ZNF142: variants seen among roughly 807,000 people sequenced by gnomAD.
The protein encoded by ZNF142 is zinc finger protein 142.
ZNF142 carries 96 observed loss-of-function variants against 132.1 expected under a neutral mutation model. The ratio of observed to expected loss-of-function variants is 0.73; its 90% CI spans 0.62 to 0.86. The LOEUF (loss-of-function observed/expected upper bound fraction) is 0.86, where lower values mean the gene tolerates loss of function less well. Ranked by LOEUF, ZNF142 falls within the 40% of genes least tolerant of loss-of-function variation. ZNF142 has a pLI of 0.00. For synonymous variants in ZNF142, 842 were observed against 890.1 expected (o/e 0.95, Z 0.96); for missense variants, 2,163 against 2,336.2 (o/e 0.93, Z 1.53).
chr2:218,645,585 A>C (rs1697661202), intron 8 of ZNF142, among the ~76,000 whole-genome samples: 1 of 152,024 alleles, frequency 6.6e-6, no homozygotes, highest in Non-Finnish European at 1.5e-5. Context: ...CCAGGGCCAA[A>C]CTCTGAGAAC....
Position 218,636,734 on chromosome 2 carries a change from G to A in ZNF142, c.*1605C>T, listed in dbSNP as rs1696781556. ...CCTCATTCTTCCTAACAAGCAATCT[G>A]GGACCTGATTTTCCACCTTTTTTCT... On this transcript the variant is annotated 3_prime_UTR_variant, in exon 11 of 11. Transcript: ENST00000411696. The A allele has an allele frequency of 1.3e-6, 1 of 790,218 alleles. No homozygotes were observed. The highest frequency in any genetic ancestry group is 1.7e-5 in the African/African-American group (1 of 57,772). The allele number at this position is 790,218 out of a possible 1,614,324, so 49.0% of individuals were successfully genotyped here.
At chr2:218,654,946 A>G (rs1051073765) in intron 4 of ZNF142, among the ~76,000 whole-genome samples, 1 of 151,920 alleles carries the variant, frequency 6.6e-6, no homozygotes, top group Non-Finnish European at 1.5e-5. Context: ...AAACTAGCTG[A>G]GTGTGGGTGG....
chr2:218,642,245 A>G lies in ZNF142; in HGVS notation c.4871T>C (p.Leu1624Pro), dbSNP rs1324858861. 1 of 1,614,176 alleles carries G rather than the reference A, an allele frequency of 6.2e-7. No homozygotes were observed. Among genetic ancestry groups the G allele is most frequent in the South Asian group, 1.1e-5 (1 of 91,086 alleles). ...TGTGAAGTCACAAAAGGGGCAGTGTAGCGGGGGCTGGCCAGCATCCCCATC... is the reference window on the plus strand; with the variant it reads ...TGTGAAGTCACAAAAGGGGCAGTGTGGCGGGGGCTGGCCAGCATCCCCATC... ...DGDGDAGQPP[L>P]HCPFCDFTCR... Residue 1624 changes from leucine to proline, a missense_variant, in exon 9 of 11, where the codon CTA (leucine) becomes CCA (proline). Leu to Pro is a moderately conservative substitution (Grantham distance 98, BLOSUM62 -3). Coordinates refer to ENST00000411696, the MANE Select transcript of ZNF142 (RefSeq NM_001379659.1). This position sits in a 1 kb window ranked among gnomAD's most constrained non-coding sequence, Gnocchi z 4.6.
intron 7 of ZNF142, among the ~76,000 whole-genome samples, chr2:218,647,516 G>A (rs898469047): frequency 2.0e-5 from 3 of 151,104 alleles, no homozygotes; most frequent in Non-Finnish European, 4.4e-5. Flanking sequence ...GGGAAACAGA[G>A]GCACAGAGAA....
Position 218,638,762 on chromosome 2 carries a change from C to T in ZNF142, c.5241G>A (p.Arg1747=). 2 of 1,609,662 alleles carry T rather than the reference C, an allele frequency of 1.2e-6. No individual in the cohort carries two copies. The highest frequency in any genetic ancestry group is 2.2e-5 in the South Asian group (2 of 91,030). Residue 1747 remains arginine, a synonymous_variant, in exon 11 of 11, where the codon CGG becomes CGA. Coordinates refer to ENST00000411696, the MANE Select transcript of ZNF142 (RefSeq NM_001379659.1). ...CCTGGTGCACACGCAGTGCATCAGC[C>T]CGGTTGGTGCAGTACTCACACTCGG... ...QCPECEYCTN[R]ADALRVHQET...
Position 218,648,830 on chromosome 2 carries a change from T to C in ZNF142, c.1678A>G (p.Lys560Glu), listed in dbSNP as rs1372792803. 1 of 1,614,224 alleles carries C rather than the reference T, an allele frequency of 6.2e-7. No homozygotes were observed. The highest frequency in any genetic ancestry group is 8.5e-7 in the Non-Finnish European group (1 of 1,180,024). ...CCAGGGTGGCCCTGCTTCTTGTGTT[T>C]ACGGAATAGGTGCTTATTGGAACAA... ...FACSNKHLFR[K>E]HKKQGHPGSE... The change falls in exon 7 of 11, where the codon AAA becomes GAA. Residue 560 changes from lysine to glutamate, a missense_variant. Transcript: ENST00000411696.
intron 6 of ZNF142, among the ~76,000 whole-genome samples, 180 bp downstream of exon 6, chr2:218,650,179 G>A (rs1937846512): frequency 6.6e-6 from 1 of 152,196 alleles, no homozygotes; most frequent in Non-Finnish European, 1.5e-5. Flanking sequence ...TATTACTAAA[G>A]TCTTTACCAT....
chr2:218,642,975 T>G lies in ZNF142; in HGVS notation c.4141A>C (p.Lys1381Gln). 1 of 1,613,322 alleles carries G rather than the reference T, an allele frequency of 6.2e-7. No homozygotes were observed. The highest frequency in any genetic ancestry group is 8.5e-7 in the Non-Finnish European group (1 of 1,179,736). The change falls in exon 9 of 11, where the codon AAA (lysine) becomes CAA (glutamine). Residue 1381 changes from lysine to glutamine, a missense_variant. By Grantham distance (53) the Lys-to-Gln change is moderately conservative (BLOSUM62 1). Around this residue, in one of 7 missense-constraint regions of ZNF142, gnomAD observed 809 missense variants for 801.7 expected, o/e 1.01. Coordinates refer to ENST00000411696, the MANE Select transcript of ZNF142 (RefSeq NM_001379659.1). The surrounding 1 kb of genome is among the most constrained non-coding windows in gnomAD (Gnocchi z 4.6). Reference protein sequence around the residue: ...LQCGDCGFTCKQSRCMQQHRR... With the variant: ...LQCGDCGFTCQQSRCMQQHRR... The stretch of plus-strand genomic sequence containing the variant: ...TGCTGCTGCATGCAACGGCTCTGTT[T>G]ACAGGTGAAGCCACAGTCCCCACAC...
chr2:218,643,046 C>T lies in ZNF142; in HGVS notation c.4070G>A (p.Arg1357Lys). 6.3e-7 allele frequency: 1 copy of T among 1,598,150 alleles called. No homozygotes were observed. The highest frequency in any genetic ancestry group is 8.5e-7 in the Non-Finnish European group (1 of 1,171,696). Residue 1357 changes from arginine to lysine, a missense_variant, in exon 9 of 11, where the codon AGG becomes AAG. Arg to Lys is a conservative substitution (Grantham distance 26). Around this residue, in one of 7 missense-constraint regions of ZNF142, gnomAD observed 809 missense variants for 801.7 expected, o/e 1.01. Coordinates refer to ENST00000411696, the MANE Select transcript of ZNF142 (RefSeq NM_001379659.1). Reference protein sequence around the residue: ...ATALRLHQKRRHPTAAPARGP... With the variant: ...ATALRLHQKRKHPTAAPARGP... Reference sequence around the variant, plus strand: ...ACGGGCTGGGGCTGCAGTGGGGTGCCTCCGCTTCTGGTGGAGCCTTAAGGC... The same window carrying T: ...ACGGGCTGGGGCTGCAGTGGGGTGCTTCCGCTTCTGGTGGAGCCTTAAGGC...
In ZNF142 at chr2:218,648,636, C is replaced by A. The variant is rs200463782; in HGVS notation, c.1872G>T (p.Thr624=). The change falls in exon 7 of 11, where the codon ACG becomes ACT. Residue 624 remains threonine (T), a splice_region_variant and synonymous_variant. Transcript: ENST00000411696. ...RVLIRHMLLH[T]GEKPHKCELC... ...TTTTAAGGATGGAAACCATCCTACC[C>A]GTATGTAGAAGCATGTGTCGGATGA... 5.2e-5 allele frequency: 84 copies of A among 1,611,568 alleles called. No homozygotes were observed. In the African/African-American group the frequency reaches 6.8e-4, roughly 13 times the overall value.
intron 7 of ZNF142, among the ~76,000 whole-genome samples, chr2:218,647,236 A>T (rs1038357170): frequency 1.3e-5 from 2 of 151,692 alleles, no homozygotes; most frequent in Non-Finnish European, 2.9e-5. Flanking sequence ...ATCCTGGCTA[A>T]CACGGTGAAA....
Position 218,638,555 on chromosome 2 carries a change from G to A in ZNF142, c.5448C>T (p.Thr1816=), listed in dbSNP as rs556339609. The change falls in exon 11 of 11, where the codon ACC becomes ACT. Residue 1816 remains threonine (T), a synonymous_variant. Coordinates refer to ENST00000411696, the MANE Select transcript of ZNF142 (RefSeq NM_001379659.1). ...AGLRHHALTH[T]DRHPFFCRLC... Reference sequence around the variant, plus strand: ...GGCGGCAAAAGAAGGGGTGGCGGTCGGTGTGGGTGAGGGCATGATGGCGCA... The same window carrying A: ...GGCGGCAAAAGAAGGGGTGGCGGTCAGTGTGGGTGAGGGCATGATGGCGCA... The A allele has an allele frequency of 1.7e-5, 28 of 1,610,732 alleles. No homozygotes were observed. Among genetic ancestry groups the A allele is most frequent in the Admixed American group, 8.3e-5 (5 of 59,914 alleles).
rs1275039103 is a variant in ZNF142, at chr2:218,635,967, G to A, written c.*2372C>T. 1.2e-6 allele frequency: 2 copies of A among 1,613,554 alleles called. No homozygotes were observed. On this transcript the variant is annotated 3_prime_UTR_variant, in exon 11 of 11. Transcript: ENST00000411696. The stretch of plus-strand genomic sequence containing the variant: ...GGCAGTGCTGGGGAGGTGGGGGTAG[G>A]AGCATGATTAGTTTTCCTTCTAGTC...
Position 218,635,269 on chromosome 2 carries a change from G to GA in ZNF142, c.*3069dup, listed in dbSNP as rs1213261754. ...GTCAAGAGTATGATCGTGTCTCTTT[G>GA]AAAAAAAAAAAGTGGCTGCTGTCAT... On this transcript the variant is annotated 3_prime_UTR_variant, in exon 11 of 11. Transcript: ENST00000411696. Among the ~76,000 whole-genome samples, 210 of 144,002 alleles carry GA rather than the reference G, an allele frequency of 1.5e-3. 3 individuals are homozygous for GA. The highest frequency in any genetic ancestry group is 0.01 in the Middle Eastern group (3 of 288). 94.5% of individuals were successfully genotyped at this position (144,002 alleles called of 152,430 possible).
At chr2:218,651,586 G>A in intron 5 of ZNF142, 115 bp downstream of exon 5, 6 of 1,139,546 alleles carry the variant, frequency 5.3e-6, no homozygotes, top group East Asian at 1.2e-4. Flanking sequence ...CTGAGCCACT[G>A]TCTAGATTCT....
In ZNF142 at chr2:218,635,799, A is replaced by T. The variant is rs1417410213; in HGVS notation, c.*2540T>A. ...GATTCCAGAGCCCTGACTACAGGTG[A>T]TCAGCGGTCAGCAACTCCCCAAAGT... On this transcript the variant is annotated 3_prime_UTR_variant, in exon 11 of 11. Transcript: ENST00000411696. The T allele has an allele frequency of 1.9e-6, 3 of 1,611,890 alleles. No homozygotes were observed. Among genetic ancestry groups the T allele is most frequent in the South Asian group, 1.1e-5 (1 of 90,540 alleles).
In ZNF142 at chr2:218,643,180, G is replaced by T; in HGVS notation, c.3936C>A (p.Ser1312Arg). 6.2e-7 allele frequency: 1 copy of T among 1,614,248 alleles called. No homozygotes were observed. Among genetic ancestry groups the T allele is most frequent in the Non-Finnish European group, 8.5e-7 (1 of 1,180,046 alleles). ...TCCTCAGAGCCCGTTCCTGCTGGCA[G>T]CTAAAGGGACATGTAGGGCAGGAGA... ...ARFSCPTCPF[S>R]CQQERALRTH... The change falls in exon 9 of 11, where the codon AGC (serine) becomes AGA (arginine). Residue 1312 changes from serine (S) to arginine (R), a missense_variant. Around this residue, in one of 7 missense-constraint regions of ZNF142, gnomAD observed 809 missense variants for 801.7 expected, o/e 1.01. Transcript: ENST00000411696.
Position 218,636,571 on chromosome 2 carries a change from G to A in ZNF142, c.*1768C>T. The A allele has an allele frequency of 6.2e-7, 1 of 1,613,892 alleles. No individual in the cohort carries two copies. The highest frequency in any genetic ancestry group is 2.2e-5 in the East Asian group (1 of 44,878). On this transcript the variant is annotated 3_prime_UTR_variant, in exon 11 of 11. Coordinates refer to ENST00000411696, the MANE Select transcript of ZNF142 (RefSeq NM_001379659.1). ...TCCAGGAAGGCCTGGAGGGGGATGA[G>A]TCCTGAGGTGGGCATTTCACGGGAA...
At position 218,642,134 on chromosome 2, in the gene ZNF142, G is replaced by A. The variant is rs754748752; in HGVS notation, c.4982C>T (p.Thr1661Ile). 6.2e-7 allele frequency: 1 copy of A among 1,614,200 alleles called. No individual in the cohort carries two copies. The highest frequency in any genetic ancestry group is 1.1e-5 in the South Asian group (1 of 91,082). Residue 1661 changes from threonine to isoleucine, a missense_variant, in exon 9 of 11, where the codon ACC becomes ATC. Thr to Ile is a moderately conservative substitution (Grantham distance 89). Transcript: ENST00000411696. This position sits in a 1 kb window ranked among gnomAD's most constrained non-coding sequence, Gnocchi z 4.6. ...CCAGGTGATCTTCTGTCGGTTCTTG[G>A]TGCTGTAAGCACAATCGGTGCACTT... ...LYKCTDCAYS[T>I]KNRQKITWHS...
Sources: allele counts gnomAD v4.1 joint callset (sites outside exome capture counted in the v4.1 genomes callset), GRCh38; gene constraint gnomAD v4.1.1; regional missense constraint gnomAD v4.1.1; non-coding constraint Gnocchi (gnomAD v3.1); transcripts MANE v1.5; gene names NCBI Gene and HGNC (gene_info 2026-07-23, HGNC 2026-07-21).